The following SYNE2 variants were observed in gnomAD, a reference collection of about 807,000 sequenced individuals.
SYNE2 encodes spectrin repeat containing nuclear envelope protein 2.
A neutral mutation model predicts 856.3 loss-of-function variants in SYNE2; 431 were observed. That is an observed-to-expected ratio of 0.50 (90% confidence interval 0.47 to 0.55). SYNE2 has a LOEUF of 0.55. Among genes scored for constraint, SYNE2 ranks in the 20% least tolerant of loss-of-function variants. The pLI, the probability that SYNE2 is intolerant of heterozygous loss-of-function variation, is 0.00. For missense variants in SYNE2, 8,129 were observed against 8,023.2 expected (o/e 1.01, Z -0.50); for synonymous variants, 2,923 against 2,872.3 (o/e 1.02, Z -0.56).
At chr14:63,853,319 G>T (rs376457067) in intron 1 of SYNE2, among the ~76,000 whole-genome samples, 176 bp downstream of exon 1, 6 of 151,916 alleles carry the variant, frequency 3.9e-5, no homozygotes, top group Admixed American at 1.3e-4. Flanking sequence ...AACTTTGCTC[G>T]GGTGGGGAGA....
intron 11 of SYNE2, among the ~76,000 whole-genome samples, chr14:63,975,228 C>T (rs1178778810): frequency 6.6e-6 from 1 of 151,928 alleles, no homozygotes; most frequent in Admixed American, 6.6e-5. Context: ...CTTTTATACT[C>T]ACCTTCTTTC....
chr14:64,011,216 C>A (rs1389815436), intron 32 of SYNE2, among the ~76,000 whole-genome samples: 1 of 152,196 alleles, frequency 6.6e-6, no homozygotes, highest in African/African-American at 2.4e-5. Flanking sequence ...CAGTCGGAAG[C>A]AGCCCTGTTT....
chr14:63,797,095 GA>G (rs1887946680), intron 1 of SYNE2, among the ~76,000 whole-genome samples: 2 of 120,772 alleles, frequency 1.7e-5, no homozygotes, highest in African/African-American at 3.1e-5. Flanking sequence ...AAAAAAAAAA[GA>G]AAAGAAAAGA....
Position 64,143,878 on chromosome 14 carries a change from C to G in SYNE2, c.15413C>G (p.Thr5138Arg), listed in dbSNP as rs145018323. Residue 5138 changes from threonine (T) to arginine (R), a missense_variant, in exon 83 of 116, where the codon ACG becomes AGG. Physicochemically the swap from Thr to Arg is moderately conservative, Grantham distance 71. Around this residue, in one of 3 missense-constraint regions of SYNE2, gnomAD observed 5,410 missense variants for 5,284.8 expected, o/e 1.02. Transcript: ENST00000555002. ...CDVESKRYER[T>R]EFAEHLGEMN... ...GTAGAAAGCAAGCGCTATGAAAGAA[C>G]GGAGTTTGCAGAGCACCTGGGGGAG... is the stretch of plus-strand genomic sequence containing the variant. 6 of 1,614,128 alleles carry G rather than the reference C, an allele frequency of 3.7e-6. No individual in the cohort carries two copies. Among genetic ancestry groups the G allele is most frequent in the Non-Finnish European group, 5.1e-6 (6 of 1,180,022 alleles).
intron 48 of SYNE2, among the ~76,000 whole-genome samples, chr14:64,055,594 C>G (rs1409735847): frequency 6.6e-6 from 1 of 152,058 alleles, no homozygotes; most frequent in Non-Finnish European, 1.5e-5. Flanking sequence ...GTCTTGAACT[C>G]TGGACCTCGT....
intron 99 of SYNE2, chr14:64,202,121 C>A: frequency 1.4e-6 from 1 of 693,518 alleles, no homozygotes; most frequent in South Asian, 1.5e-5. Context: ...CTGAGGCAGA[C>A]TGGCGAGGGA....
intron 1 of SYNE2, among the ~76,000 whole-genome samples, chr14:63,785,490 C>T (rs183860312): frequency 7.9e-5 from 12 of 151,992 alleles, no homozygotes; most frequent in Non-Finnish European, 1.6e-4. Context: ...ACAAAAAAAA[C>T]ACCTGGCACA....
At chr14:63,972,737 C>G (rs1188185393) in intron 11 of SYNE2, among the ~76,000 whole-genome samples, 1 of 152,166 alleles carries the variant, frequency 6.6e-6, no homozygotes, top group Non-Finnish European at 1.5e-5. Context: ...CTTCTGCCTG[C>G]TGTATAAATA....
At chr14:63,942,591 G>A (rs12893339) in intron 6 of SYNE2, among the ~76,000 whole-genome samples, 1 of 151,864 alleles carries the variant, frequency 6.6e-6, no homozygotes, top group Admixed American at 6.6e-5. Flanking sequence ...CACCTCCCAG[G>A]TTCGAGTGAT....
chr14:64,026,198 C>G (rs1012291639), intron 41 of SYNE2, among the ~76,000 whole-genome samples: 1 of 152,168 alleles, frequency 6.6e-6, no homozygotes, highest in African/African-American at 2.4e-5. Flanking sequence ...ATGAGGGACA[C>G]TGTATTTTCC....
chr14:63,874,221 T>A (rs1054294484), intron 1 of SYNE2, among the ~76,000 whole-genome samples: 4 of 152,214 alleles, frequency 2.6e-5, no homozygotes, highest in African/African-American at 9.6e-5. Flanking sequence ...TGTAGTTCTT[T>A]AAAACCTTCT....
chr14:63,809,130 T>A (rs1369490626), intron 1 of SYNE2, among the ~76,000 whole-genome samples: 1 of 152,054 alleles, frequency 6.6e-6, no homozygotes, highest in African/African-American at 2.4e-5. Flanking sequence ...CTCACAGGAA[T>A]GATGTGCCAC....
chr14:63,948,822 A>ATATG (rs1266397695), intron 6 of SYNE2, among the ~76,000 whole-genome samples: 1 of 128,012 alleles, frequency 7.8e-6, no homozygotes, highest in Middle Eastern at 4.2e-3. Flanking sequence ...ATATATATAT[A>ATATG]TGTAGCTTAA....
chr14:63,787,101 A>T (rs192277818), intron 1 of SYNE2, among the ~76,000 whole-genome samples: 2 of 152,132 alleles, frequency 1.3e-5, no homozygotes, highest in Non-Finnish European at 2.9e-5. Flanking sequence ...GAGCCCGGGT[A>T]TACATACATG....
intron 90 of SYNE2, 119 bp from the exon 91 acceptor site, chr14:64,167,114 G>A: frequency 2.4e-6 from 3 of 1,271,722 alleles, no homozygotes; most frequent in Admixed American, 3.9e-5. Context: ...TTGACTGTGG[G>A]CAAGTCATTT....
intron 31 of SYNE2, among the ~76,000 whole-genome samples, chr14:64,007,643 G>C (rs201093418): frequency 6.6e-6 from 1 of 152,176 alleles, no homozygotes; most frequent in African/African-American, 2.4e-5. Context: ...TTGTGAGGCT[G>C]AAGTGAGAGG....
chr14:63,964,961 T>C (rs1453763523), intron 10 of SYNE2, among the ~76,000 whole-genome samples: 3 of 150,750 alleles, frequency 2.0e-5, no homozygotes, highest in Non-Finnish European at 3.0e-5. Flanking sequence ...ATTGAACATT[T>C]CTTTTTTTTT....
chr14:63,994,116 A>G, intron 22 of SYNE2, 147 bp downstream of exon 22: 1 of 781,226 alleles, frequency 1.3e-6, no homozygotes. Flanking sequence ...GGGTTCATAC[A>G]GAGTTTCATA....
At chr14:64,090,088 G>T (rs1231559920) in intron 59 of SYNE2, among the ~76,000 whole-genome samples, 1 of 152,170 alleles carries the variant, frequency 6.6e-6, no homozygotes, top group Non-Finnish European at 1.5e-5. Context: ...TAGAGCCCCT[G>T]ACAGAGGAGC....
Sources: allele counts gnomAD v4.1 joint callset (sites outside exome capture counted in the v4.1 genomes callset), GRCh38; gene constraint gnomAD v4.1.1; regional missense constraint gnomAD v4.1.1; transcripts MANE v1.5; gene names NCBI Gene and HGNC (gene_info 2026-07-23, HGNC 2026-07-21).